The following SMARCA4 variants were observed in gnomAD, a reference collection of about 807,000 sequenced individuals.
The protein encoded by SMARCA4 is SWI/SNF-related matrix-associated actin-dependent regulator of chromatin subfamily A member 4.
A neutral mutation model predicts 193.9 loss-of-function variants in SMARCA4; 31 were observed. That is an observed-to-expected ratio of 0.16 (90% CI 0.12 to 0.22). The LOEUF is 0.22. SMARCA4 is among the 10% of genes least tolerant of loss of function. The pLI is 1.00. For synonymous variants in SMARCA4, 942 were observed against 933.1 expected, an observed-to-expected ratio of 1.01 and a Z score of -0.17; for missense variants, 1,148 against 2,296.0, an observed-to-expected ratio of 0.50 and a Z score of 10.22.
At position 11,033,057 on chromosome 19, in the gene SMARCA4, A is replaced by G; in HGVS notation, c.3547-233A>G. Reference sequence around the variant, plus strand: ...CCCGAATATCTGTGGGGTCCCAATAAGGTAGAAGGTGGCACTTCTGGAGGA... The same window carrying G: ...CCCGAATATCTGTGGGGTCCCAATAGGGTAGAAGGTGGCACTTCTGGAGGA... On this transcript the variant is annotated intron_variant, in intron 25 of 34. Transcript: ENST00000344626. The surrounding 1 kb of genome is among the most constrained non-coding windows in gnomAD (Gnocchi z 9.8). 1 of 611,720 alleles carries G rather than the reference A, an allele frequency of 1.6e-6. No individual in the cohort carries two copies. Among genetic ancestry groups the G allele is most frequent in the Non-Finnish European group, 3.0e-6 (1 of 338,370 alleles). 37.9% of individuals were successfully genotyped at this position (611,720 alleles called of 1,614,324 possible).
chr19:11,019,491 C>T lies in SMARCA4; in HGVS notation c.2506-100C>T. 1 of 752,964 alleles carries T rather than the reference C, an allele frequency of 1.3e-6. No individual in the cohort carries two copies. The highest frequency in any genetic ancestry group is 1.5e-5 in the South Asian group (1 of 68,166). 46.6% of individuals were successfully genotyped at this position (752,964 alleles called of 1,614,324 possible). A position where few individuals can be genotyped will look rare whatever the true frequency, so the allele number is the denominator to read the frequency against. Reference sequence around the variant, plus strand: ...ACTACCCCTGTGAGGACGAGCCCTCCCGCCGTGTCACTGGGCAGTTGCAGG... The same window carrying T: ...ACTACCCCTGTGAGGACGAGCCCTCTCGCCGTGTCACTGGGCAGTTGCAGG... On this transcript the variant is annotated intron_variant, in intron 17 of 34. Transcript: ENST00000344626. The surrounding 1 kb of genome is among the most constrained non-coding windows in gnomAD (Gnocchi z 6.1).
Position 11,021,922 on chromosome 19 carries a change from C to G in SMARCA4, c.2814C>G (p.Thr938=), listed in dbSNP as rs768106020. 1 of 1,613,544 alleles carries G rather than the reference C, an allele frequency of 6.2e-7. No individual in the cohort carries two copies. Among genetic ancestry groups the G allele is most frequent in the Non-Finnish European group, 8.5e-7 (1 of 1,180,038 alleles). The change falls in exon 19 of 35, where the codon ACC becomes ACG. Residue 938 remains threonine (T), a synonymous_variant. Coordinates refer to ENST00000344626, the MANE Select transcript of SMARCA4 (RefSeq NM_003072.5). ...LLPTIFKSCS[T]FEQWFNAPFA... is the part of the protein sequence containing the mutation. ...CCACCATCTTCAAGAGCTGCAGCAC[C>G]TTCGAGCAGTGGTTTAACGCACCCT...
intron 30 of SMARCA4, among the ~76,000 whole-genome samples, chr19:11,044,950 A>T (rs770434924): frequency 2.6e-5 from 4 of 152,210 alleles, no homozygotes; most frequent in Non-Finnish European, 5.9e-5. Context: ...AGGGCCCCAA[A>T]CAGCTGTGAA....
chr19:10,987,117 G>T lies in SMARCA4; in HGVS notation c.859+114G>T. 1.3e-6 allele frequency: 1 copy of T among 766,548 alleles called. No homozygotes were observed. The highest frequency in any genetic ancestry group is 2.2e-6 in the Non-Finnish European group (1 of 445,196). 47.5% of individuals were successfully genotyped at this position (766,548 alleles called of 1,614,324 possible). The stretch of plus-strand genomic sequence containing the variant: ...GGGCCGAGGGTGGTCAGGCTGAACT[G>T]CAGCCTGTACTTTTCTTGTGGTGGT... On this transcript the variant is annotated intron_variant, in intron 5 of 34. Transcript: ENST00000344626. This position sits in a 1 kb window ranked among gnomAD's most constrained non-coding sequence, Gnocchi z 5.3.
chr19:11,012,923 T>C, intron 15 of SMARCA4, 26 bp from the exon 16 acceptor site: 1 of 1,613,834 alleles, frequency 6.2e-7, no homozygotes, highest in Non-Finnish European at 8.5e-7. Flanking sequence ...CCTTCAGTCC[T>C]GGCGTGGCCG....
chr19:11,059,779 G>A lies in SMARCA4; in HGVS notation c.4662G>A (p.Gln1554=). The part of the protein sequence containing the change: ...SLIYEDSIVL[Q]SVFTSVRQKI... The stretch of plus-strand genomic sequence containing the variant: ...TCTATGAAGACTCCATCGTCTTGCA[G>A]TCGGTCTTCACCAGCGTGCGGCAGA... Residue 1554 remains glutamine, a synonymous_variant, in exon 33 of 35, where the codon CAG becomes CAA. Coordinates refer to ENST00000344626, the MANE Select transcript of SMARCA4 (RefSeq NM_003072.5). 1 of 1,595,852 alleles carries A rather than the reference G, an allele frequency of 6.3e-7. No homozygotes were observed. The highest frequency in any genetic ancestry group is 1.1e-5 in the South Asian group (1 of 88,400).
At chr19:10,973,813 A>G (rs1331316442) in intron 1 of SMARCA4, among the ~76,000 whole-genome samples, 1 of 151,532 alleles carries the variant, frequency 6.6e-6, no homozygotes, top group Non-Finnish European at 1.5e-5. Context: ...CTCGTGATCC[A>G]CCCGCCTTGG....
chr19:10,978,780 A>AT (rs1555746925), intron 1 of SMARCA4, among the ~76,000 whole-genome samples: 66 of 148,226 alleles, frequency 4.5e-4, no homozygotes, highest in Middle Eastern at 6.8e-3. Flanking sequence ...AAATACAAAA[A>AT]ATATATATAT....
rs112977340 is a variant in SMARCA4, at chr19:10,991,330, T to C, written c.1419+7T>C. 2,403 of 1,584,144 alleles carry C rather than the reference T, an allele frequency of 1.5e-3. 39 individuals are homozygous for C. In the African/African-American group the frequency reaches 0.017, roughly 11 times the overall value. On this transcript the variant is annotated splice_region_variant and intron_variant, in intron 8 of 34. Coordinates refer to ENST00000344626, the MANE Select transcript of SMARCA4 (RefSeq NM_003072.5). ...GCGCCGGCAGAAGCACCAGGTACGCTCCGGTGGCCCCAAGGCCCTGCAGCC... is the reference window on the plus strand; with the variant it reads ...GCGCCGGCAGAAGCACCAGGTACGCCCCGGTGGCCCCAAGGCCCTGCAGCC...
At chr19:10,991,125 G>A (rs752761046) in intron 7 of SMARCA4, 25 bp from the exon 8 acceptor site, 20 of 1,612,554 alleles carry the variant, frequency 1.2e-5, no homozygotes, top group South Asian at 3.3e-5. Context: ...TGCAGTGCGC[G>A]GGCTTGTCCT....
intron 1 of SMARCA4, among the ~76,000 whole-genome samples, chr19:10,974,723 T>G (rs1460899554): frequency 1.1e-4 from 11 of 101,506 alleles, no homozygotes; most frequent in Admixed American, 2.2e-4. Flanking sequence ...TTTTTTTTTT[T>G]TGAGACAGAG....
At position 11,030,310 on chromosome 19, in the gene SMARCA4, T is replaced by C. The variant is rs2074835538; in HGVS notation, c.3383-420T>C. ...CCACCCACCCCCAGGTCCCTTGTGTTGCGAGCGGCGGTGTTGCCGGCATTG... is the reference window on the plus strand; with the variant it reads ...CCACCCACCCCCAGGTCCCTTGTGTCGCGAGCGGCGGTGTTGCCGGCATTG... On this transcript the variant is annotated intron_variant, in intron 24 of 34. Transcript: ENST00000344626. This position sits in a 1 kb window ranked among gnomAD's most constrained non-coding sequence, Gnocchi z 5.5. Among the ~76,000 whole-genome samples the C allele has an allele frequency of 6.6e-6, 1 of 152,238 alleles. No individual in the cohort carries two copies.
Position 11,019,493 on chromosome 19 carries a change from G to C in SMARCA4, c.2506-98G>C. ...TACCCCTGTGAGGACGAGCCCTCCCGCCGTGTCACTGGGCAGTTGCAGGGG... is the reference window on the plus strand; with the variant it reads ...TACCCCTGTGAGGACGAGCCCTCCCCCCGTGTCACTGGGCAGTTGCAGGGG... On this transcript the variant is annotated intron_variant, in intron 17 of 34. Coordinates refer to ENST00000344626, the MANE Select transcript of SMARCA4 (RefSeq NM_003072.5). The surrounding 1 kb of genome is among the most constrained non-coding windows in gnomAD (Gnocchi z 6.1). 2 of 756,794 alleles carry C rather than the reference G, an allele frequency of 2.6e-6. No homozygotes were observed. The highest frequency in any genetic ancestry group is 4.6e-6 in the Non-Finnish European group (2 of 430,652). 46.9% of individuals were successfully genotyped at this position (756,794 alleles called of 1,614,324 possible).
In SMARCA4 at chr19:10,984,442, C is replaced by G. The variant is rs879197601; in HGVS notation, c.222+69C>G. The G allele has an allele frequency of 6.5e-7, 1 of 1,549,052 alleles. No individual in the cohort carries two copies. On this transcript the variant is annotated intron_variant, in intron 2 of 34. Transcript: ENST00000344626. This position sits in a 1 kb window ranked among gnomAD's most constrained non-coding sequence, Gnocchi z 4.3. The stretch of plus-strand genomic sequence containing the variant: ...CTAGGGCTGCAGGCAGCCTCTGGAC[C>G]GAGGGCCTTACTTGGAGGATGGGGG...
intron 30 of SMARCA4, among the ~76,000 whole-genome samples, chr19:11,050,422 C>A (rs1485434495): frequency 6.6e-6 from 1 of 152,238 alleles, no homozygotes; most frequent in Non-Finnish European, 1.5e-5. Context: ...ACGTCTGCAG[C>A]ACAGGGGCCT....
chr19:11,014,843 C>T (rs755132418), intron 16 of SMARCA4, among the ~76,000 whole-genome samples: 5 of 151,654 alleles, frequency 3.3e-5, no homozygotes, highest in African/African-American at 9.7e-5. Flanking sequence ...TGAGGAGTCT[C>T]GCACTGTTGA....
chr19:11,023,654 C>T (rs761817765), intron 20 of SMARCA4, 23 bp downstream of exon 20: 1 of 1,475,964 alleles, frequency 6.8e-7, no homozygotes. Flanking sequence ...TGAGGGGAGC[C>T]ACCAGTGAAG....
In SMARCA4 at chr19:11,058,801, A is replaced by G. The variant is rs767810437; in HGVS notation, c.4547A>G (p.Asn1516Ser). The G allele has an allele frequency of 1.9e-6, 3 of 1,614,118 alleles. No homozygotes were observed. The highest frequency in any genetic ancestry group is 3.3e-5 in the Admixed American group (2 of 60,016). ...DFKKIKERIR[N>S]HKYRSLNDLE... ...CGTCCACTGCAGGAGCGCATTCGCA[A>G]CCACAAGTACCGCAGCCTCAACGAC... The change falls in exon 32 of 35, where the codon AAC (asparagine) becomes AGC (serine). Residue 1516 changes from asparagine to serine, a missense_variant. Physicochemically the swap from Asn to Ser is conservative, Grantham distance 46 (BLOSUM62 1). This residue lies in a region of SMARCA4 where 141 missense variants were observed against 193.0 expected (regional missense o/e 0.73). Coordinates refer to ENST00000344626, the MANE Select transcript of SMARCA4 (RefSeq NM_003072.5). This position sits in a 1 kb window ranked among gnomAD's most constrained non-coding sequence, Gnocchi z 5.8.
At position 11,030,803 on chromosome 19, in the gene SMARCA4, C is replaced by A; in HGVS notation, c.3456C>A (p.Phe1152Leu). 6.2e-7 allele frequency: 1 copy of A among 1,609,388 alleles called. No homozygotes were observed. The highest frequency in any genetic ancestry group is 1.7e-5 in the Admixed American group (1 of 59,528). ...FNEPGSEYFI[F>L]LLSTRAGGLG... Reference sequence around the variant, plus strand: ...AGCCCGGCTCTGAGTACTTCATCTTCCTGCTCAGCACCCGGGCTGGGGGGC... The same window carrying A: ...AGCCCGGCTCTGAGTACTTCATCTTACTGCTCAGCACCCGGGCTGGGGGGC... Residue 1152 changes from phenylalanine (F) to leucine (L), a missense_variant, in exon 25 of 35, where the codon TTC becomes TTA. By Grantham distance (22) the Phe-to-Leu change is conservative. This residue lies in a region of SMARCA4 where 74 missense variants were observed against 392.3 expected (regional missense o/e 0.19). Transcript: ENST00000344626. This position sits in a 1 kb window ranked among gnomAD's most constrained non-coding sequence, Gnocchi z 5.5.
Sources: allele counts gnomAD v4.1 joint callset (sites outside exome capture counted in the v4.1 genomes callset), GRCh38; gene constraint gnomAD v4.1.1; regional missense constraint gnomAD v4.1.1; non-coding constraint Gnocchi (gnomAD v3.1); transcripts MANE v1.5; gene names NCBI Gene and HGNC (gene_info 2026-07-23, HGNC 2026-07-21).